DLGAP1: variants seen among roughly 807,000 people sequenced by gnomAD.
DLGAP1 encodes the protein disks large-associated protein 1.
DLGAP1 carries 11 observed loss-of-function variants against 90.8 expected under a neutral mutation model. The observed-to-expected ratio is 0.12, with a 90% CI of 0.08 to 0.20. The LOEUF is 0.20. DLGAP1 is among the 10% of genes least tolerant of loss of function. The probability of loss-of-function intolerance (pLI) is 1.00; values close to 1 mark genes in which losing one functional copy is unlikely to be tolerated. For missense variants in DLGAP1, 1,050 were observed against 1,333.8 expected (o/e 0.79, Z 3.31); for synonymous variants, 558 against 540.7 (o/e 1.03, Z -0.44).
At chr18:4,242,865 T>C (rs114152434) in intron 1 of DLGAP1, among the ~76,000 whole-genome samples, 1 of 151,978 alleles carries the variant, frequency 6.6e-6, no homozygotes, top group Non-Finnish European at 1.5e-5. Context: ...CAATTACACA[T>C]GTAATACCCA....
chr18:3,643,202 T>C (rs777853291), intron 7 of DLGAP1, among the ~76,000 whole-genome samples: 8 of 151,542 alleles, frequency 5.3e-5, no homozygotes, highest in Admixed American at 1.3e-4. Flanking sequence ...ATGCCACCTT[T>C]TGTATACGTA....
chr18:3,954,704 A>G (rs1212587397), intron 3 of DLGAP1, among the ~76,000 whole-genome samples: 1 of 152,240 alleles, frequency 6.6e-6, no homozygotes, highest in Non-Finnish European at 1.5e-5. Flanking sequence ...ATAAATCACT[A>G]AAGGGATGAG....
chr18:4,003,870 T>C (rs1200185894), intron 3 of DLGAP1, among the ~76,000 whole-genome samples: 1 of 152,196 alleles, frequency 6.6e-6, no homozygotes, highest in African/African-American at 2.4e-5. Flanking sequence ...CCTCAGGCTC[T>C]AAGGAAGGAA....
chr18:3,696,494 T>G (rs1452687071), intron 7 of DLGAP1, among the ~76,000 whole-genome samples: 1 of 152,226 alleles, frequency 6.6e-6, no homozygotes, highest in Non-Finnish European at 1.5e-5. Context: ...TGTGATGAAT[T>G]ACGTTTACTG....
chr18:3,597,787 TTCCTGTTGGTGTCA>T, intron 7 of DLGAP1: 1 of 157,010 alleles, frequency 6.4e-6, no homozygotes. Flanking sequence ...CCACCGTTCC[TTCCTGTTGGTGTCA>T]GCACGATGAG....
chr18:4,242,383 G>A (rs1279218844), intron 1 of DLGAP1, among the ~76,000 whole-genome samples: 1 of 151,936 alleles, frequency 6.6e-6, no homozygotes, highest in East Asian at 1.9e-4. Flanking sequence ...TGCTCCAGTG[G>A]GTGCTAGAAA....
intron 4 of DLGAP1, among the ~76,000 whole-genome samples, chr18:3,840,903 C>T (rs1224957872): frequency 6.6e-6 from 1 of 152,212 alleles, no homozygotes; most frequent in African/African-American, 2.4e-5. Flanking sequence ...TTGCCTCTCA[C>T]ATTTTCCAGC....
chr18:4,245,188 G>A (rs560418749), intron 1 of DLGAP1, among the ~76,000 whole-genome samples: 7 of 152,158 alleles, frequency 4.6e-5, no homozygotes, highest in East Asian at 1.9e-4. Flanking sequence ...GAAAGTGCTC[G>A]GTACTTGACA....
intron 1 of DLGAP1, among the ~76,000 whole-genome samples, chr18:4,453,599 G>T (rs992811922): frequency 3.3e-5 from 5 of 152,104 alleles, no homozygotes; most frequent in African/African-American, 1.2e-4. Flanking sequence ...TTTGCCTTAG[G>T]ACCTAAAATC....
At chr18:4,218,433 T>C (rs1368525117) in intron 1 of DLGAP1, among the ~76,000 whole-genome samples, 1 of 151,984 alleles carries the variant, frequency 6.6e-6, no homozygotes, top group African/African-American at 2.4e-5. Flanking sequence ...AATTAGAAAA[T>C]TCATCACCTC....
Position 4,378,155 on chromosome 18 carries a change from A to C in DLGAP1, c.-267+76851T>G, listed in dbSNP as rs555913282. ...AATTTATATTATATATATTTGAAAA[A>C]AGTCTGCAAAGATACTACAAACTAT... is the stretch of plus-strand genomic sequence containing the variant. On this transcript the variant is annotated intron_variant, in intron 1 of 12. Transcript: ENST00000315677. The surrounding 1 kb of genome is among the most constrained non-coding windows in gnomAD (Gnocchi z 4.5). Among the ~76,000 whole-genome samples the C allele has an allele frequency of 3.3e-5, 5 of 150,020 alleles. No homozygotes were observed. The Admixed American group carries it at 3.3e-4, about 10-fold the overall frequency.
chr18:4,345,162 A>T (rs983190730), intron 1 of DLGAP1, among the ~76,000 whole-genome samples: 1 of 152,168 alleles, frequency 6.6e-6, no homozygotes, highest in African/African-American at 2.4e-5. Context: ...CTGCTCTCAT[A>T]GAAGTCACTG....
intron 4 of DLGAP1, among the ~76,000 whole-genome samples, chr18:3,831,236 A>G (rs1598918218): frequency 6.6e-6 from 1 of 152,346 alleles, no homozygotes; most frequent in East Asian, 1.9e-4. Flanking sequence ...CTAGGCCCAG[A>G]GAGACCCATC....
At position 3,568,220 on chromosome 18, in the gene DLGAP1, TAAC is replaced by T. The variant is rs2054546932; in HGVS notation, c.1966-642_1966-640del. 2.0e-5 allele frequency among the ~76,000 whole-genome samples: 3 copies of T among 152,276 alleles called. No homozygotes were observed. The South Asian group carries it at 6.2e-4, about 32-fold the overall frequency. On this transcript the variant is annotated intron_variant, in intron 8 of 12. Transcript: ENST00000315677. ...GGCCTGGAAGTTTTGAATTTGAAGA[TAAC>T]AACATACAAAATAAAGAGGAAAATT...
chr18:3,537,773 T>C (rs977272419), intron 9 of DLGAP1, among the ~76,000 whole-genome samples: 3 of 152,214 alleles, frequency 2.0e-5, no homozygotes, highest in African/African-American at 7.2e-5. Context: ...CATCAACATT[T>C]GTTATTTTCT....
intron 9 of DLGAP1, among the ~76,000 whole-genome samples, chr18:3,543,926 C>T (rs781360752): frequency 2.0e-5 from 3 of 152,170 alleles, no homozygotes; most frequent in Non-Finnish European, 2.9e-5. Flanking sequence ...ATAGCATATT[C>T]ACCTAAGTAC....
At chr18:3,734,066 T>G (rs1265500001) in intron 6 of DLGAP1, among the ~76,000 whole-genome samples, 2 of 152,226 alleles carry the variant, frequency 1.3e-5, no homozygotes, top group African/African-American at 4.8e-5. Context: ...TCTTCCAATA[T>G]GTAGCTTCAA....
chr18:3,921,650 T>C (rs1159837128), intron 3 of DLGAP1, among the ~76,000 whole-genome samples: 1 of 152,188 alleles, frequency 6.6e-6, no homozygotes, highest in Admixed American at 6.5e-5. Context: ...ATAAATTAGA[T>C]AAACTCAGGT....
intron 1 of DLGAP1, among the ~76,000 whole-genome samples, chr18:4,266,755 TGAC>T (rs780953776): frequency 6.6e-6 from 1 of 152,226 alleles, no homozygotes; most frequent in Non-Finnish European, 1.5e-5. Context: ...CCATGTCTTA[TGAC>T]AACAATGATC....
Sources: allele counts gnomAD v4.1 joint callset (sites outside exome capture counted in the v4.1 genomes callset), GRCh38; gene constraint gnomAD v4.1.1; non-coding constraint Gnocchi (gnomAD v3.1); transcripts MANE v1.5; gene names NCBI Gene and HGNC (gene_info 2026-07-23, HGNC 2026-07-21).